WWOX: variants seen among roughly 807,000 people sequenced by gnomAD.
WWOX encodes the protein WW domain-containing oxidoreductase.
Under a neutral mutation model 46.2 loss-of-function variants are expected in WWOX, and 69 were observed. The ratio of observed to expected loss-of-function variants is 1.49; its 90% CI spans 1.23 to 1.82. The LOEUF (loss-of-function observed/expected upper bound fraction) is 1.82. Ranked by LOEUF, WWOX falls within the 40% of genes most tolerant of loss-of-function variation. The pLI, the probability that WWOX is intolerant of heterozygous loss-of-function variation, is 0.00. For missense variants in WWOX, 919 were observed against 542.6 expected (o/e 1.69, Z -6.89); for synonymous variants, 359 against 202.6 (o/e 1.77, Z -6.56).
intron 8 of WWOX, among the ~76,000 whole-genome samples, chr16:78,907,248 G>A (rs762681486): frequency 6.6e-6 from 1 of 152,188 alleles, no homozygotes. Context: ...GCAGGGCACA[G>A]GACCAGTTGA....
chr16:78,863,724 A>G (rs1017154001), intron 8 of WWOX, among the ~76,000 whole-genome samples: 3 of 152,230 alleles, frequency 2.0e-5, no homozygotes, highest in Admixed American at 6.5e-5. Context: ...AAACAAACAA[A>G]TGAATAAATT....
intron 8 of WWOX, among the ~76,000 whole-genome samples, chr16:78,806,501 G>A (rs578050104): frequency 6.6e-6 from 1 of 152,304 alleles, no homozygotes; most frequent in African/African-American, 2.4e-5. Flanking sequence ...ATCATCTGAA[G>A]GTTGTTCACT....
intron 5 of WWOX, among the ~76,000 whole-genome samples, chr16:78,258,416 C>T (rs1330507319): frequency 1.3e-5 from 2 of 152,066 alleles, no homozygotes; most frequent in African/African-American, 2.4e-5. Flanking sequence ...GGTGTGAAAA[C>T]TAAAATGCCT....
intron 5 of WWOX, among the ~76,000 whole-genome samples, chr16:78,249,972 C>T (rs114292621): frequency 6.6e-6 from 1 of 152,104 alleles, no homozygotes; most frequent in Non-Finnish European, 1.5e-5. Flanking sequence ...GAGGCCAGGT[C>T]CCCAGTGAGC....
intron 8 of WWOX, among the ~76,000 whole-genome samples, chr16:78,958,588 G>T (rs2046215089): frequency 6.6e-6 from 1 of 152,212 alleles, no homozygotes; most frequent in African/African-American, 2.4e-5. Context: ...TTTTTTAACA[G>T]TGCTGCCCCT....
At chr16:79,034,678 CT>C (rs1317703186) in intron 8 of WWOX, among the ~76,000 whole-genome samples, 35 of 144,624 alleles carry the variant, frequency 2.4e-4, no homozygotes, top group Admixed American at 6.9e-4. Context: ...ATTTTCCTTT[CT>C]TTTTTTTTTT....
chr16:79,044,758 GA>G (rs1291387965), intron 8 of WWOX, among the ~76,000 whole-genome samples: 1 of 152,146 alleles, frequency 6.6e-6, no homozygotes, highest in African/African-American at 2.4e-5. Context: ...TTGAAGAATG[GA>G]AAAGAAGGCA....
At chr16:78,694,429 G>A (rs1040935489) in intron 8 of WWOX, among the ~76,000 whole-genome samples, 1 of 152,156 alleles carries the variant, frequency 6.6e-6, no homozygotes, top group Admixed American at 6.5e-5. Flanking sequence ...CCATTGTCAA[G>A]GCAGAAGCAG....
intron 5 of WWOX, among the ~76,000 whole-genome samples, chr16:78,230,422 A>G (rs143314316): frequency 2.0e-5 from 3 of 152,342 alleles, no homozygotes; most frequent in Non-Finnish European, 4.4e-5. Context: ...TGATTGGGCC[A>G]TGTTCATGCA....
At chr16:79,150,363 T>A (rs1462995575) in intron 8 of WWOX, among the ~76,000 whole-genome samples, 1 of 152,144 alleles carries the variant, frequency 6.6e-6, no homozygotes, top group Non-Finnish European at 1.5e-5. Flanking sequence ...TGTTAATAAT[T>A]CATAATTATA....
At position 78,349,975 on chromosome 16, in the gene WWOX, T is replaced by C. The variant is rs190114846; in HGVS notation, c.517-36885T>C. Among the ~76,000 whole-genome samples the C allele has an allele frequency of 5.8e-5, 7 of 121,528 alleles. 2 individuals are homozygous for C. Among genetic ancestry groups the C allele is most frequent in the Non-Finnish European group, 9.8e-5 (5 of 50,838 alleles). 79.7% of individuals were successfully genotyped at this position (121,528 alleles called of 152,430 possible). On this transcript the variant is annotated intron_variant, in intron 5 of 8. Coordinates refer to ENST00000566780, the MANE Select transcript of WWOX (RefSeq NM_016373.4). ...TTACCTAATGCCCATACCATACATA[T>C]GCCTGCATTTGTACACTCTTAAGCC... is the stretch of plus-strand genomic sequence containing the variant.
intron 5 of WWOX, among the ~76,000 whole-genome samples, chr16:78,192,990 C>T (rs562481392): frequency 7.2e-5 from 11 of 152,204 alleles, no homozygotes; most frequent in Non-Finnish European, 1.2e-4. Flanking sequence ...ACACATGTGG[C>T]TGAGGGTTGG....
chr16:78,923,373 G>A (rs971900443), intron 8 of WWOX, among the ~76,000 whole-genome samples: 1 of 151,990 alleles, frequency 6.6e-6, no homozygotes, highest in South Asian at 2.1e-4. Flanking sequence ...TTCTAGTTCA[G>A]ATCATTCTAA....
chr16:78,702,100 T>TTATA (rs72067397), intron 8 of WWOX, among the ~76,000 whole-genome samples: 1,409 of 81,190 alleles, frequency 0.017, 39 homozygotes, highest in African/African-American at 0.064. Context: ...ATCTATAAAG[T>TTATA]TATATATATA....
At chr16:78,983,845 C>A (rs1055130986) in intron 8 of WWOX, among the ~76,000 whole-genome samples, 1 of 148,284 alleles carries the variant, frequency 6.7e-6, no homozygotes, top group African/African-American at 2.5e-5. Context: ...ACTGGTGAAG[C>A]AGTCCATCTG....
At chr16:79,200,868 A>C (rs1202814505) in intron 8 of WWOX, among the ~76,000 whole-genome samples, 1 of 152,168 alleles carries the variant, frequency 6.6e-6, no homozygotes, top group Non-Finnish European at 1.5e-5. Flanking sequence ...CGGCAGGCCC[A>C]AAAAATGGAG....
At chr16:78,186,498 T>C (rs1042208910) in intron 5 of WWOX, among the ~76,000 whole-genome samples, 9 of 152,256 alleles carry the variant, frequency 5.9e-5, no homozygotes, top group Non-Finnish European at 1.5e-5. Flanking sequence ...ATGCAGTGCC[T>C]CATGCCTGTA....
At chr16:78,979,798 A>C (rs1197063888) in intron 8 of WWOX, among the ~76,000 whole-genome samples, 1 of 152,170 alleles carries the variant, frequency 6.6e-6, no homozygotes, top group Non-Finnish European at 1.5e-5. Context: ...GCATTTATCC[A>C]AAGGGTGTGA....
At chr16:78,313,056 T>G (rs1021994740) in intron 5 of WWOX, among the ~76,000 whole-genome samples, 2 of 152,236 alleles carry the variant, frequency 1.3e-5, no homozygotes, top group African/African-American at 4.8e-5. Flanking sequence ...TGTCCTGTTT[T>G]CAGATTACTT....
Sources: allele counts gnomAD v4.1 joint callset (sites outside exome capture counted in the v4.1 genomes callset), GRCh38; gene constraint gnomAD v4.1.1; transcripts MANE v1.5; gene names NCBI Gene and HGNC (gene_info 2026-07-23, HGNC 2026-07-21).